The following CFAP299 variants were observed in gnomAD, a reference collection of about 807,000 sequenced individuals.
CFAP299 encodes cilia- and flagella-associated protein 299.
Under a neutral mutation model 27.0 loss-of-function variants are expected in CFAP299, and 21 were observed. The ratio of observed to expected loss-of-function variants is 0.78; its 90% CI spans 0.55 to 1.12. The LOEUF is 1.12. Ranked by LOEUF, CFAP299 falls within the 50% of genes most tolerant of loss-of-function variation. The pLI is 0.00. For missense variants in CFAP299, 310 were observed against 276.6 expected (o/e 1.12, Z -0.86); for synonymous variants, 104 against 98.1 (o/e 1.06, Z -0.36).
chr4:80,486,281 A>G (rs1001114192), intron 2 of CFAP299, among the ~76,000 whole-genome samples: 1 of 152,194 alleles, frequency 6.6e-6, no homozygotes, highest in Non-Finnish European at 1.5e-5. Flanking sequence ...AAATGCCAGT[A>G]ATTTCTACAC....
chr4:80,582,954 CTAG>C (rs1736242719), intron 2 of CFAP299, 136 bp from the exon 3 acceptor site: 1 of 480,376 alleles, frequency 2.1e-6, no homozygotes, highest in African/African-American at 2.0e-5. Context: ...ATTGAGGAAT[CTAG>C]TAGATCATGA....
intron 4 of CFAP299, among the ~76,000 whole-genome samples, chr4:80,939,862 C>A (rs1372001614): frequency 6.6e-6 from 1 of 152,116 alleles, no homozygotes; most frequent in Non-Finnish European, 1.5e-5. Flanking sequence ...CACCCCACTG[C>A]TCTTTTTTCC....
chr4:80,468,731 A>C (rs1729834656), intron 2 of CFAP299, among the ~76,000 whole-genome samples: 1 of 150,032 alleles, frequency 6.7e-6, no homozygotes, highest in African/African-American at 2.5e-5. Context: ...GCTACTAGAG[A>C]GGCTGAGGCA....
chr4:80,495,409 A>C (rs1363682840), intron 2 of CFAP299, among the ~76,000 whole-genome samples: 1 of 152,192 alleles, frequency 6.6e-6, no homozygotes, highest in Non-Finnish European at 1.5e-5. Flanking sequence ...TAATGTGGGT[A>C]AAAAAAGAAT....
chr4:80,654,950 G>A (rs957241721), intron 3 of CFAP299, among the ~76,000 whole-genome samples: 2 of 151,934 alleles, frequency 1.3e-5, no homozygotes, highest in Non-Finnish European at 2.9e-5. Context: ...ATTAAAATAT[G>A]TATTTTCATC....
In CFAP299 at chr4:80,876,458, C is replaced by G. The variant is rs544489511; in HGVS notation, c.476+6323C>G. Among the ~76,000 whole-genome samples, 5 of 152,268 alleles carry G rather than the reference C, an allele frequency of 3.3e-5. No homozygotes were observed. The East Asian group carries it at 9.6e-4, about 29-fold the overall frequency. On this transcript the variant is annotated intron_variant, in intron 4 of 5. Transcript: ENST00000358105. ...TTTCCTGGGAAGAGGTGCCTTCTGC[C>G]ATGATTGTAAGTTTCCTGAGGCCTC...
chr4:80,755,335 A>C (rs1231907644), intron 3 of CFAP299, among the ~76,000 whole-genome samples: 1 of 152,132 alleles, frequency 6.6e-6, no homozygotes, highest in Non-Finnish European at 1.5e-5. Flanking sequence ...TGAGTGAGAA[A>C]TGTTAAGCTC....
At chr4:80,329,208 C>CACACACACATATATATATATATATATAT in the CFAP299 span, among the ~76,000 whole-genome samples, 12 of 136,044 alleles carry the variant, frequency 8.8e-5, no homozygotes, top group South Asian at 2.7e-3. Context: ...ACACTGTATA[C>CACACACACATATATATATATATATATAT]ATATATATAT....
intron 4 of CFAP299, among the ~76,000 whole-genome samples, chr4:80,916,279 A>ATATATATATATATC (rs1735754757): frequency 9.0e-6 from 1 of 110,678 alleles, no homozygotes; most frequent in Non-Finnish European, 1.7e-5. Context: ...ATATATATAT[A>ATATATATATATATC]TATATATATA....
chr4:80,634,121 C>T (rs1401429505), intron 3 of CFAP299, among the ~76,000 whole-genome samples: 1 of 151,392 alleles, frequency 6.6e-6, no homozygotes, highest in Non-Finnish European at 1.5e-5. Flanking sequence ...GTAGCAGGGA[C>T]TACAGTGTGC....
chr4:80,956,355 G>C (rs1176056110), intron 5 of CFAP299, among the ~76,000 whole-genome samples: 2 of 152,002 alleles, frequency 1.3e-5, no homozygotes, highest in African/African-American at 4.8e-5. Context: ...GATCTGTTTG[G>C]AGTCATTTTA....
chr4:80,588,149 C>T (rs978476966), intron 3 of CFAP299, among the ~76,000 whole-genome samples: 1 of 151,128 alleles, frequency 6.6e-6, no homozygotes, highest in Non-Finnish European at 1.5e-5. Flanking sequence ...TATACATTTC[C>T]TTCCCCATTC....
chr4:80,571,756 C>T lies in CFAP299; in HGVS notation c.243-11337C>T, dbSNP rs573974830. The stretch of plus-strand genomic sequence containing the variant: ...GAAGAAACACCAGAGTTTGTTCCTG[C>T]TTTCTCTGCCATGTTGATACAGTAG... On this transcript the variant is annotated intron_variant, in intron 2 of 5. Coordinates refer to ENST00000358105, the MANE Select transcript of CFAP299 (RefSeq NM_152770.3). Among the ~76,000 whole-genome samples, 10 of 152,220 alleles carry T rather than the reference C, an allele frequency of 6.6e-5. No individual in the cohort carries two copies. In the East Asian group the frequency reaches 1.9e-3, roughly 29 times the overall value.
At chr4:80,755,591 G>T (rs1250754266) in intron 3 of CFAP299, among the ~76,000 whole-genome samples, 1 of 152,056 alleles carries the variant, frequency 6.6e-6, no homozygotes, top group African/African-American at 2.4e-5. Flanking sequence ...ACTTGAGGGG[G>T]AGTAGAAATT....
intron 2 of CFAP299, among the ~76,000 whole-genome samples, chr4:80,451,061 G>A (rs1375171062): frequency 6.6e-6 from 1 of 152,060 alleles, no homozygotes; most frequent in African/African-American, 2.4e-5. Flanking sequence ...TGCTAGGACT[G>A]CCAACAAAAT....
chr4:80,584,401 A>G (rs539999218), intron 3 of CFAP299, among the ~76,000 whole-genome samples: 86 of 152,128 alleles, frequency 5.7e-4, no homozygotes, highest in African/African-American at 2.0e-3. Context: ...TGTGATAGAG[A>G]CTAAGGAAAA....
intron 1 of CFAP299, among the ~76,000 whole-genome samples, chr4:80,345,098 C>G (rs773836231): frequency 2.0e-5 from 3 of 152,168 alleles, no homozygotes; most frequent in Non-Finnish European, 4.4e-5. Context: ...TGTCCTCTCT[C>G]TCATTACTCC....
At chr4:80,367,214 A>C (rs1201721117) in intron 2 of CFAP299, among the ~76,000 whole-genome samples, 2 of 152,222 alleles carry the variant, frequency 1.3e-5, no homozygotes, top group African/African-American at 4.8e-5. Context: ...TTTAAATTTC[A>C]GTTCAAAAAG....
intron 3 of CFAP299, among the ~76,000 whole-genome samples, chr4:80,752,698 C>A (rs2110071958): frequency 6.6e-6 from 1 of 151,534 alleles, no homozygotes; most frequent in Non-Finnish European, 1.5e-5. Flanking sequence ...TTTATTGTTT[C>A]TTTGTACCTC....
Sources: allele counts gnomAD v4.1 joint callset (sites outside exome capture counted in the v4.1 genomes callset), GRCh38; gene constraint gnomAD v4.1.1; transcripts MANE v1.5; gene names NCBI Gene and HGNC (gene_info 2026-07-23, HGNC 2026-07-21).